The following PRKAG2 variants were observed in gnomAD, a reference collection of about 807,000 sequenced individuals.
PRKAG2 encodes 5'-AMP-activated protein kinase subunit gamma-2.
A neutral mutation model predicts 69.6 loss-of-function variants in PRKAG2; 26 were observed. That is an observed-to-expected ratio of 0.37 (90% CI 0.27 to 0.52). The LOEUF is 0.52. Among genes scored for constraint, PRKAG2 ranks in the 20% least tolerant of loss-of-function variants. PRKAG2 has a pLI of 0.90. For synonymous variants in PRKAG2, 293 were observed against 285.0 expected (o/e 1.03, Z -0.28); for missense variants, 557 against 740.0 (o/e 0.75, Z 2.87).
At chr7:151,575,429 T>G (rs973556983) in intron 7 of PRKAG2, among the ~76,000 whole-genome samples, 2 of 152,200 alleles carry the variant, frequency 1.3e-5, no homozygotes, top group Non-Finnish European at 2.9e-5. Context: ...GAAAAAGACA[T>G]GAACTTCTTC....
chr7:151,600,133 C>T (rs1200072674), intron 5 of PRKAG2, among the ~76,000 whole-genome samples: 1 of 152,104 alleles, frequency 6.6e-6, no homozygotes, highest in Non-Finnish European at 1.5e-5. Context: ...CCAAGCTGAT[C>T]CCCCTCCTTC....
intron 1 of PRKAG2, among the ~76,000 whole-genome samples, chr7:151,872,028 C>T (rs2080229805): frequency 6.6e-6 from 1 of 152,212 alleles, no homozygotes; most frequent in Non-Finnish European, 1.5e-5. Context: ...AGTCCCTGCA[C>T]ACCACAGTCC....
chr7:151,766,501 A>G (rs949654722), intron 3 of PRKAG2, among the ~76,000 whole-genome samples: 1 of 152,260 alleles, frequency 6.6e-6, no homozygotes, highest in Non-Finnish European at 1.5e-5. Flanking sequence ...CGAGGCGCCC[A>G]GATCGTGGAT....
intron 5 of PRKAG2, among the ~76,000 whole-genome samples, chr7:151,621,046 T>C (rs73479371): frequency 0.015 from 2,358 of 152,346 alleles, 58 homozygotes; most frequent in African/African-American, 0.054. Flanking sequence ...GAAGAATACT[T>C]GCATTTCTAA....
chr7:151,743,734 GCT>G (rs2074061548), intron 3 of PRKAG2, among the ~76,000 whole-genome samples: 1 of 152,228 alleles, frequency 6.6e-6, no homozygotes, highest in Admixed American at 6.5e-5. Context: ...CAGCAAGCCA[GCT>G]GCTGCTCCAT....
chr7:151,711,936 G>A (rs190039997), intron 3 of PRKAG2, among the ~76,000 whole-genome samples: 2 of 152,350 alleles, frequency 1.3e-5, no homozygotes, highest in Non-Finnish European at 2.9e-5. Flanking sequence ...GCCTGCCACC[G>A]ACTGGGTTTG....
intron 3 of PRKAG2, among the ~76,000 whole-genome samples, chr7:151,766,282 T>C (rs1205427577): frequency 6.6e-6 from 1 of 152,178 alleles, no homozygotes; most frequent in Non-Finnish European, 1.5e-5. Context: ...TTTATCAAAA[T>C]CTATTTCCTT....
intron 1 of PRKAG2, among the ~76,000 whole-genome samples, chr7:151,842,405 G>T (rs1414920785): frequency 1.5e-4 from 21 of 136,514 alleles, no homozygotes; most frequent in African/African-American, 3.6e-4. Flanking sequence ...ATGGTAGGTG[G>T]GGATGGTAGT....
chr7:151,617,626 T>A (rs1016380447), intron 5 of PRKAG2, among the ~76,000 whole-genome samples: 9 of 152,168 alleles, frequency 5.9e-5, no homozygotes, highest in Admixed American at 6.5e-5. Context: ...TGAGTTTTTT[T>A]AAAATAATCA....
intron 4 of PRKAG2, among the ~76,000 whole-genome samples, chr7:151,636,469 C>A (rs926970111): frequency 6.6e-6 from 1 of 152,170 alleles, no homozygotes; most frequent in Non-Finnish European, 1.5e-5. Context: ...CATTGTAACA[C>A]GGATCAGCAC....
At chr7:151,558,647 C>A in intron 15 of PRKAG2, 2 of 976,256 alleles carry the variant, frequency 2.0e-6, no homozygotes, top group Non-Finnish European at 2.4e-6. Flanking sequence ...ATTAGTAACA[C>A]GGAATGTTTT....
chr7:151,562,715 C>G (rs1230196495), intron 14 of PRKAG2, among the ~76,000 whole-genome samples: 2 of 152,100 alleles, frequency 1.3e-5, no homozygotes, highest in Non-Finnish European at 2.9e-5. Context: ...TGCCTGTAAT[C>G]CCAGCACTTT....
chr7:151,829,888 C>A (rs1034263357), intron 1 of PRKAG2, among the ~76,000 whole-genome samples: 3 of 151,864 alleles, frequency 2.0e-5, no homozygotes, highest in African/African-American at 7.2e-5. Context: ...GCCCCGTGTA[C>A]AGCCTGCGCA....
intron 3 of PRKAG2, among the ~76,000 whole-genome samples, chr7:151,694,923 C>T (rs7778356): frequency 0.26 from 40,172 of 152,152 alleles, 5,481 homozygotes; most frequent in Non-Finnish European, 0.29. Context: ...CCAGTCCCTC[C>T]GGGTCAGAAT....
chr7:151,570,003 T>C (rs1045575263), intron 10 of PRKAG2, among the ~76,000 whole-genome samples, 168 bp downstream of exon 10: 1 of 152,242 alleles, frequency 6.6e-6, no homozygotes, highest in Non-Finnish European at 1.5e-5. Flanking sequence ...ACGGCTGTGA[T>C]TTTTGTAGTG....
At chr7:151,657,996 A>G (rs1389071106) in intron 4 of PRKAG2, among the ~76,000 whole-genome samples, 1 of 151,320 alleles carries the variant, frequency 6.6e-6, no homozygotes, top group Non-Finnish European at 1.5e-5. Flanking sequence ...CATCTCTACT[A>G]AAAATACAAA....
At chr7:151,852,390 G>C (rs772057850) in intron 1 of PRKAG2, among the ~76,000 whole-genome samples, 1 of 152,196 alleles carries the variant, frequency 6.6e-6, no homozygotes, top group Non-Finnish European at 1.5e-5. Context: ...AGATACTCGG[G>C]AGGCTGAGGC....
chr7:151,710,024 C>T (rs1009291140), intron 3 of PRKAG2, among the ~76,000 whole-genome samples: 7 of 152,180 alleles, frequency 4.6e-5, no homozygotes, highest in Admixed American at 1.3e-4. Context: ...CCCCACGGAG[C>T]ACTCTCGAGT....
chr7:151,721,862 A>C (rs1797172951), intron 3 of PRKAG2, among the ~76,000 whole-genome samples: 1 of 152,062 alleles, frequency 6.6e-6, no homozygotes, highest in African/African-American at 2.4e-5. Context: ...CTGTACAAAC[A>C]CTACACATAC....
Sources: allele counts gnomAD v4.1 joint callset (sites outside exome capture counted in the v4.1 genomes callset), GRCh38; gene constraint gnomAD v4.1.1; transcripts MANE v1.5; gene names NCBI Gene and HGNC (gene_info 2026-07-23, HGNC 2026-07-21).